The following LY96 variants were observed in gnomAD, a reference collection of about 807,000 sequenced individuals.
LY96 encodes the protein myeloid differentiation protein-2.
LY96 carries 18 observed loss-of-function variants against 18.9 expected under a neutral mutation model. The observed-to-expected ratio is 0.95, with a 90% CI of 0.66 to 1.41. LY96 has a LOEUF of 1.41. LY96 is among the 40% of genes most tolerant of loss of function. The probability of loss-of-function intolerance (pLI) is 0.00; values close to 1 mark genes in which losing one functional copy is unlikely to be tolerated. For missense variants in LY96, 175 were observed against 182.4 expected, an observed-to-expected ratio of 0.96 and a Z score of 0.23; for synonymous variants, 66 against 62.6, an observed-to-expected ratio of 1.06 and a Z score of -0.26.
intron 2 of LY96, among the ~76,000 whole-genome samples, chr8:74,007,094 G>GC (rs1816428351): frequency 6.6e-6 from 1 of 152,102 alleles, no homozygotes; most frequent in African/African-American, 2.4e-5. Context: ...ACACTCTTGG[G>GC]CTGGGCCAAA....
At chr8:74,059,084 CT>C in the LY96 span, among the ~76,000 whole-genome samples, 3 of 152,212 alleles carry the variant, frequency 2.0e-5, no homozygotes, top group Non-Finnish European at 4.4e-5. Flanking sequence ...AGGCCATCAT[CT>C]TTACTCAGTC....
At chr8:74,035,290 G>A in the LY96 span, among the ~76,000 whole-genome samples, 9 of 151,932 alleles carry the variant, frequency 5.9e-5, no homozygotes, top group Admixed American at 3.3e-4. Flanking sequence ...TTGGCTATAA[G>A]TCTTTTGACT....
chr8:73,998,558 C>T (rs1005364204), intron 1 of LY96, among the ~76,000 whole-genome samples: 3 of 152,014 alleles, frequency 2.0e-5, no homozygotes, highest in Non-Finnish European at 2.9e-5. Context: ...TGGCATGCAC[C>T]TGTAGTACTA....
intron 1 of LY96, among the ~76,000 whole-genome samples, chr8:73,994,598 C>T (rs1225018908): frequency 2.0e-5 from 3 of 151,950 alleles, no homozygotes; most frequent in Non-Finnish European, 2.9e-5. Flanking sequence ...GTGATTTTCC[C>T]GCTTCAGCCT....
At chr8:74,088,179 A>C in the LY96 span, among the ~76,000 whole-genome samples, 17 of 152,248 alleles carry the variant, frequency 1.1e-4, no homozygotes, top group African/African-American at 3.9e-4. Flanking sequence ...AGTGTTGCTT[A>C]ACCACATCTT....
At chr8:74,009,969 T>A in intron 2 of LY96, 32 bp from the exon 3 acceptor site, 1 of 1,516,572 alleles carries the variant, frequency 6.6e-7, no homozygotes, top group South Asian at 1.1e-5. Context: ...AATCTACTAT[T>A]TGAGGGCCTA....
chr8:74,078,353 T>C, the LY96 span, among the ~76,000 whole-genome samples: 1 of 152,122 alleles, frequency 6.6e-6, no homozygotes, highest in African/African-American at 2.4e-5. Context: ...ATCAGGAAGA[T>C]TGTAAGACAG....
chr8:74,069,503 A>T, the LY96 span, among the ~76,000 whole-genome samples: 1 of 152,244 alleles, frequency 6.6e-6, no homozygotes, highest in Non-Finnish European at 1.5e-5. Context: ...TTTCCATAGC[A>T]TCATTTGCAT....
chr8:73,996,265 A>G (rs1816122624), intron 1 of LY96, among the ~76,000 whole-genome samples: 1 of 152,006 alleles, frequency 6.6e-6, no homozygotes, highest in Non-Finnish European at 1.5e-5. Flanking sequence ...GGCCTTCCAA[A>G]GTGCTGGAAT....
At chr8:73,992,668 G>A (rs1816028934) in intron 1 of LY96, among the ~76,000 whole-genome samples, 1 of 152,090 alleles carries the variant, frequency 6.6e-6, no homozygotes, top group Non-Finnish European at 1.5e-5. Context: ...ACACACCATG[G>A]CCCTTCTCCT....
At chr8:74,003,771 G>T (rs1238668410) in intron 1 of LY96, among the ~76,000 whole-genome samples, 2 of 152,180 alleles carry the variant, frequency 1.3e-5, no homozygotes, top group African/African-American at 4.8e-5. Flanking sequence ...TCCTGGGTCT[G>T]GGCCTTGCCT....
the LY96 span, among the ~76,000 whole-genome samples, chr8:74,093,383 G>A: frequency 6.6e-6 from 1 of 152,228 alleles, no homozygotes; most frequent in African/African-American, 2.4e-5. Context: ...CTGGCACATA[G>A]CAGATGTTCA....
the LY96 span, among the ~76,000 whole-genome samples, chr8:74,047,543 A>G: frequency 3.3e-5 from 5 of 152,244 alleles, no homozygotes; most frequent in Admixed American, 6.5e-5. Context: ...ATCCTTGTGC[A>G]CAAGATACAA....
downstream of LY96, among the ~76,000 whole-genome samples, chr8:74,033,016 T>A (rs74372801): frequency 3.5e-3 from 539 of 152,262 alleles, 2 homozygotes; most frequent in Non-Finnish European, 6.3e-3. Context: ...CCAACAAAAA[T>A]TTCTATTGCC....
chr8:74,002,014 C>T (rs182681005), intron 1 of LY96, among the ~76,000 whole-genome samples: 651 of 7,502 alleles, frequency 0.087, 18 homozygotes, highest in Middle Eastern at 0.18. Context: ...TTTCTTCCTT[C>T]CTTCCTTCCT....
At chr8:74,013,172 T>C (rs112589509) in intron 3 of LY96, among the ~76,000 whole-genome samples, 46,559 of 151,750 alleles carry the variant, frequency 0.31, 9,869 homozygotes, top group African/African-American at 0.6. Flanking sequence ...GTCACCCAGG[T>C]TGGAGTGCAA....
intron 2 of LY96, among the ~76,000 whole-genome samples, chr8:74,006,071 C>T (rs1816403444): frequency 6.6e-6 from 1 of 152,178 alleles, no homozygotes; most frequent in Non-Finnish European, 1.5e-5. Flanking sequence ...TTTCATGATT[C>T]TAGTTGTTCA....
chr8:74,045,145 A>G, the LY96 span, among the ~76,000 whole-genome samples: 1 of 152,236 alleles, frequency 6.6e-6, no homozygotes, highest in Non-Finnish European at 1.5e-5. Flanking sequence ...CCTGTGCTTC[A>G]TGCAGAGGAT....
chr8:74,081,124 TC>T, the LY96 span, among the ~76,000 whole-genome samples: 40 of 142,502 alleles, frequency 2.8e-4, no homozygotes, highest in East Asian at 8.2e-4. Flanking sequence ...TTTCTTTCTT[TC>T]CTTCCTTCCT....
Sources: allele counts gnomAD v4.1 joint callset (sites outside exome capture counted in the v4.1 genomes callset), GRCh38; gene constraint gnomAD v4.1.1; transcripts MANE v1.5; gene names NCBI Gene and HGNC (gene_info 2026-07-23, HGNC 2026-07-21).